The following ODF2 variants were observed in gnomAD, a reference collection of about 807,000 sequenced individuals.
The protein encoded by ODF2 is outer dense fiber of sperm tails 2.
In ODF2, 47 loss-of-function variants were observed where a neutral mutation model predicts 110.2. That is an observed-to-expected ratio of 0.43 (90% confidence interval 0.34 to 0.54). The LOEUF (loss-of-function observed/expected upper bound fraction) is 0.54. ODF2 is among the 20% of genes least tolerant of loss of function. The pLI is 0.03. For missense variants in ODF2, 812 were observed against 1,054.5 expected (o/e 0.77, Z 3.19); for synonymous variants, 352 against 397.7 (o/e 0.89, Z 1.37).
chr9:128,466,433 C>T (rs1360567579), intron 4 of ODF2, among the ~76,000 whole-genome samples: 2 of 148,794 alleles, frequency 1.3e-5, no homozygotes, highest in Non-Finnish European at 3.0e-5. Flanking sequence ...TGCTACTGCA[C>T]TCCAGGCTGC....
chr9:128,495,549 C>T (rs1349290922), intron 17 of ODF2, among the ~76,000 whole-genome samples: 1 of 152,244 alleles, frequency 6.6e-6, no homozygotes, highest in Non-Finnish European at 1.5e-5. Context: ...GCTGAGGCTT[C>T]TGCATAAAAC....
downstream of ODF2, chr9:128,500,666 T>C (rs1467605583): frequency 6.3e-6 from 1 of 159,254 alleles, no homozygotes; most frequent in East Asian, 1.8e-4. Context: ...GAAGTCGTCC[T>C]GGGCTGTAAG....
intron 10 of ODF2, 62 bp downstream of exon 10, chr9:128,482,949 G>A (rs1297032047): frequency 2.4e-5 from 31 of 1,312,072 alleles, no homozygotes; most frequent in Non-Finnish European, 3.3e-5. Context: ...AGGCTGGAGT[G>A]CAATGGCGCG....
intron 1 of ODF2, chr9:128,456,850 C>T (rs536124470): frequency 7.6e-7 from 1 of 1,309,856 alleles, no homozygotes; most frequent in Non-Finnish European, 9.7e-7. Context: ...GCCCGGGGCC[C>T]GTGCAACCTC....
intron 1 of ODF2, chr9:128,456,768 T>TCCCCCCCCCC: frequency 1.2e-6 from 1 of 832,102 alleles, no homozygotes; most frequent in Non-Finnish European, 1.4e-6. Context: ...CGGGGGGGGG[T>TCCCCCCCCCC]CCCGCCCGCC....
At chr9:128,465,806 T>C (rs1385977287) in intron 4 of ODF2, among the ~76,000 whole-genome samples, 1 of 151,852 alleles carries the variant, frequency 6.6e-6, no homozygotes, top group Non-Finnish European at 1.5e-5. Flanking sequence ...AATAATCAGC[T>C]ACTCAATTCT....
intron 6 of ODF2, 112 bp downstream of exon 6, chr9:128,471,580 G>A: frequency 1.1e-6 from 1 of 895,864 alleles, no homozygotes; most frequent in Non-Finnish European, 1.7e-6. Flanking sequence ...CACTGTGCCT[G>A]TGCCCTGGAG....
intron 16 of ODF2, among the ~76,000 whole-genome samples, chr9:128,493,997 G>C (rs375854067): frequency 6.6e-6 from 1 of 152,142 alleles, no homozygotes; most frequent in African/African-American, 2.4e-5. Flanking sequence ...GTTTCACCTT[G>C]TTGGCCAGGG....
chr9:128,486,294 C>T (rs531570653), intron 13 of ODF2, among the ~76,000 whole-genome samples: 2 of 152,188 alleles, frequency 1.3e-5, no homozygotes, highest in Non-Finnish European at 2.9e-5. Context: ...GTGCCAGGCT[C>T]TATGCCAGCT....
At chr9:128,459,469 A>G in intron 2 of ODF2, 98 bp from the exon 2 acceptor site, 4 of 943,220 alleles carry the variant, frequency 4.2e-6, no homozygotes, top group Non-Finnish European at 6.6e-6. Context: ...AGCCATGAAC[A>G]TGTTAGCTAC....
At chr9:128,472,870 C>T (rs200922266) in intron 6 of ODF2, 43 bp from the exon 7 acceptor site, 38 of 1,610,740 alleles carry the variant, frequency 2.4e-5, no homozygotes, top group East Asian at 4.5e-5. Context: ...TCTGGGCATG[C>T]GGGGGCCTGG....
At chr9:128,456,483 T>A in intron 1 of ODF2, 1 of 1,525,162 alleles carries the variant, frequency 6.6e-7, no homozygotes. Context: ...CTTCCTCTCT[T>A]GGCTACCACG....
At chr9:128,490,409 A>T (rs1282201185) in intron 14 of ODF2, among the ~76,000 whole-genome samples, 2 of 151,892 alleles carry the variant, frequency 1.3e-5, no homozygotes, top group African/African-American at 2.4e-5. Context: ...CAGCCTCCCA[A>T]GTAGCTGGGA....
intron 4 of ODF2, among the ~76,000 whole-genome samples, chr9:128,465,301 C>A (rs1240913018): frequency 6.6e-6 from 1 of 152,192 alleles, no homozygotes; most frequent in East Asian, 1.9e-4. Context: ...GGAACAGCCC[C>A]TGGAGGTGGA....
At chr9:128,469,328 A>G (rs753802698) in exon 5 of ODF2, 1 of 1,614,150 alleles carries the variant, frequency 6.2e-7, no homozygotes, top group Admixed American at 1.7e-5. Context: ...AGTCTAATGA[A>G]TGCGGTTGGT....
rs535455241 is a variant in ODF2 at position 128,494,466 on chromosome 9, ACTGTGGGTCTTTCCTTC to A, written c.1753-22_1753-6del. ...TCCACTAGGAGCCAGGTCTTTCCTAACTGTGGGTCTTTCCTTCCTGTGGGTCTTTCCTTCCTGTTTCA... is the reference window on the plus strand; with the variant it reads ...TCCACTAGGAGCCAGGTCTTTCCTAACTGTGGGTCTTTCCTTCCTGTTTCA... On this transcript the variant is annotated intron_variant, in intron 16 of 20. Coordinates refer to ENST00000604420, the Ensembl canonical transcript of ODF2. This position sits in a 1 kb window ranked among gnomAD's most constrained non-coding sequence, Gnocchi z 4.6. 3,635 of 1,592,068 alleles carry A rather than the reference ACTGTGGGTCTTTCCTTC, an allele frequency of 2.3e-3. 19 individuals carry two copies. The highest frequency in any genetic ancestry group is 2.3e-3 in the Non-Finnish European group (2,652 of 1,160,370).
intron 14 of ODF2, among the ~76,000 whole-genome samples, chr9:128,489,584 C>T (rs912684748): frequency 5.3e-5 from 8 of 152,178 alleles, no homozygotes; most frequent in Non-Finnish European, 8.8e-5. Flanking sequence ...TCATCCTCAG[C>T]GCTCTAGGGT....
At chr9:128,460,958 G>A (rs1416497259) in exon 4 of ODF2, 1 of 1,614,218 alleles carries the variant, frequency 6.2e-7, no homozygotes, top group East Asian at 2.2e-5. Context: ...CACAAGCGAG[G>A]AATGAAAGGG....
chr9:128,500,157 C>T lies in ODF2; in HGVS notation c.2392C>T (p.Gln798Ter), dbSNP rs533184968. 6.2e-7 allele frequency: 1 copy of T among 1,614,270 alleles called. No homozygotes were observed. Among genetic ancestry groups the T allele is most frequent in the East Asian group, 2.2e-5 (1 of 44,886 alleles). The stretch of plus-strand genomic sequence containing the variant: ...CAACCGCAGCATGCAGAACTACGTC[C>T]AGTTCCTCAAATCATCATACGCCAA... The change falls in exon 21 of 21, where the codon CAG becomes TAG. Residue 798 changes from glutamine to a stop codon, truncating the protein, a stop_gained. Coordinates refer to ENST00000604420, the Ensembl canonical transcript of ODF2. LOFTEE classifies it high-confidence loss of function.
Sources: allele counts gnomAD v4.1 joint callset (sites outside exome capture counted in the v4.1 genomes callset), GRCh38; gene constraint gnomAD v4.1.1; non-coding constraint Gnocchi (gnomAD v3.1); transcripts MANE v1.5; gene names NCBI Gene and HGNC (gene_info 2026-07-23, HGNC 2026-07-21).